Variants in UVSSA observed in about 807,000 individuals in gnomAD.
The protein encoded by UVSSA is UV stimulated scaffold protein A.
UVSSA carries 72 observed loss-of-function variants against 73.9 expected under a neutral mutation model. The observed-to-expected ratio is 0.97, with a 90% CI of 0.81 to 1.19. The LOEUF (loss-of-function observed/expected upper bound fraction) is 1.19. Ranked by LOEUF, UVSSA falls within the 50% of genes most tolerant of loss-of-function variation. The pLI, the probability that UVSSA is intolerant of heterozygous loss-of-function variation, is 0.00. For missense variants in UVSSA, 1,150 were observed against 965.0 expected (o/e 1.19, Z -2.54); for synonymous variants, 454 against 391.3 (o/e 1.16, Z -1.89).
chr4:1,353,487 C>T (rs1715134046), intron 5 of UVSSA, 74 bp downstream of exon 5: 3 of 1,429,750 alleles, frequency 2.1e-6, no homozygotes, highest in East Asian at 2.5e-5. Flanking sequence ...TCACTGGCAC[C>T]CGGCCCAGGA....
At position 1,347,746 on chromosome 4, in the gene UVSSA, C is replaced by G. The variant is rs532177561; in HGVS notation, c.-17C>G. ...GCCTCTGCAGCCTTGCTGGAGGCTG[C>G]CCTGCGGAATCTGAGTGAATAAGGG... On this transcript the variant is annotated 5_prime_UTR_variant, in exon 1 of 14. Transcript: ENST00000389851. 4.8e-4 allele frequency: 107 copies of G among 222,608 alleles called. No homozygotes were observed. Among genetic ancestry groups the G allele is most frequent in the Non-Finnish European group, 8.3e-4 (91 of 110,178 alleles). The allele number at this position is 222,608 out of a possible 1,614,324, so 13.8% of individuals were successfully genotyped here.
rs750867210 is a variant in UVSSA at position 1,349,549 on chromosome 4, G to A, written c.124G>A (p.Ala42Thr). ...GTCTTCAGAGGAGCAGCTGAGCCGC[G>A]CCTACCGCCTGCTGATAGCACAGCT... ...CKSSEEQLSR[A>T]YRLLIAQLTQ... The change falls in exon 3 of 14, where the codon GCC becomes ACC. Residue 42 changes from alanine to threonine, a missense_variant. Transcript: ENST00000389851. 6.8e-6 allele frequency: 11 copies of A among 1,613,446 alleles called. No individual in the cohort carries two copies. The highest frequency in any genetic ancestry group is 1.7e-4 in the Middle Eastern group (1 of 6,006).
chr4:1,372,157 T>C (rs1216983096), intron 8 of UVSSA, among the ~76,000 whole-genome samples: 4 of 152,238 alleles, frequency 2.6e-5, no homozygotes, highest in South Asian at 2.1e-4. Flanking sequence ...TCGTAGTAAA[T>C]CTTTTTTCGT....
At chr4:1,366,585 C>T (rs929218604) in intron 8 of UVSSA, among the ~76,000 whole-genome samples, 154 bp downstream of exon 8, 5 of 152,178 alleles carry the variant, frequency 3.3e-5, no homozygotes, top group Admixed American at 3.3e-4. Flanking sequence ...TGCTCACGGT[C>T]GTAGCCACGA....
chr4:1,355,995 C>T (rs540686177), intron 7 of UVSSA, among the ~76,000 whole-genome samples: 2 of 152,240 alleles, frequency 1.3e-5, no homozygotes, highest in South Asian at 2.1e-4. Context: ...CCTCTGCAGA[C>T]GTCCTCGGCA....
intron 7 of UVSSA, among the ~76,000 whole-genome samples, chr4:1,355,552 C>A (rs941285676): frequency 6.6e-6 from 1 of 152,184 alleles, no homozygotes; most frequent in South Asian, 2.1e-4. Flanking sequence ...CCCCGTGACT[C>A]CTTCTAGGGA....
At chr4:1,371,585 G>T (rs1718042649) in intron 8 of UVSSA, among the ~76,000 whole-genome samples, 1 of 152,170 alleles carries the variant, frequency 6.6e-6, no homozygotes, top group African/African-American at 2.4e-5. Context: ...GTTCCACATG[G>T]CTGGGGAGGC....
chr4:1,354,621 G>T (rs995691735), intron 5 of UVSSA, 114 bp from the exon 6 acceptor site: 1 of 836,530 alleles, frequency 1.2e-6, no homozygotes, highest in East Asian at 2.7e-5. Flanking sequence ...AGGCATGGGC[G>T]TCTGGCAGGT....
exon 14 of UVSSA, chr4:1,393,439 C>T (rs1720449111): frequency 1.3e-5 from 2 of 152,248 alleles, no homozygotes; most frequent in South Asian, 4.1e-4. Flanking sequence ...CCTGTAATCC[C>T]AGCTACTTGG....
intron 8 of UVSSA, among the ~76,000 whole-genome samples, chr4:1,369,138 G>A (rs953709721): frequency 4.0e-5 from 6 of 150,758 alleles, no homozygotes; most frequent in African/African-American, 1.5e-4. Context: ...CTGCCGTTCT[G>A]CCGTCAGCCT....
chr4:1,358,087 T>G (rs989901055), intron 7 of UVSSA: 7 of 152,498 alleles, frequency 4.6e-5, no homozygotes, highest in South Asian at 2.1e-4. Context: ...CCCCAGCCCT[T>G]GGCACACAGG....
intron 8 of UVSSA, among the ~76,000 whole-genome samples, chr4:1,368,697 G>A (rs1463240199): frequency 2.0e-5 from 3 of 152,352 alleles, no homozygotes; most frequent in East Asian, 1.9e-4. Context: ...TGGCAGTCCC[G>A]GCTAAGCCTC....
At chr4:1,349,960 G>T in intron 3 of UVSSA, 106 bp downstream of exon 3, 2 of 1,108,168 alleles carry the variant, frequency 1.8e-6, no homozygotes, top group Non-Finnish European at 2.5e-6. Flanking sequence ...CACAGCAGGG[G>T]CCTGCTTGGC....
intron 1 of UVSSA, 41 bp downstream of exon 1, chr4:1,347,801 T>G: frequency 2.9e-6 from 1 of 346,496 alleles, no homozygotes. Flanking sequence ...GGGGAAAAGC[T>G]GATTCGGACA....
At chr4:1,360,337 A>G (rs1384788951) in intron 7 of UVSSA, among the ~76,000 whole-genome samples, 1 of 152,220 alleles carries the variant, frequency 6.6e-6, no homozygotes, top group South Asian at 2.1e-4. Flanking sequence ...ACCTGTCTGC[A>G]AAACACAGGG....
intron 12 of UVSSA, among the ~76,000 whole-genome samples, chr4:1,383,276 G>T (rs1719712567): frequency 3.3e-5 from 5 of 152,238 alleles, no homozygotes; most frequent in Admixed American, 3.3e-4. Context: ...TGAGCATCAT[G>T]CTTGGCCCAG....
intron 13 of UVSSA, 65 bp downstream of exon 13, chr4:1,384,005 G>T: frequency 1.3e-6 from 2 of 1,496,688 alleles, no homozygotes; most frequent in Admixed American, 2.3e-5. Context: ...TTCGAGGGGG[G>T]CCATCTGAGC....
intron 8 of UVSSA, among the ~76,000 whole-genome samples, chr4:1,366,867 C>T (rs1320890262): frequency 6.6e-6 from 1 of 152,218 alleles, no homozygotes; most frequent in South Asian, 2.1e-4. Context: ...CCCTCTGTGC[C>T]ATCCGCAGCC....
chr4:1,354,940 T>C (rs969761944), intron 6 of UVSSA, 93 bp downstream of exon 6: 12 of 1,526,480 alleles, frequency 7.9e-6, no homozygotes, highest in Non-Finnish European at 1.1e-5. Context: ...TGTGGCCCGG[T>C]GACTGAATGG....
Sources: gnomAD v4.1 joint callset for allele counts (sites outside exome capture counted in the v4.1 genomes callset) on GRCh38, gnomAD v4.1.1 for gene constraint, MANE v1.5 for transcripts, NCBI Gene and HGNC (gene_info 2026-07-23, HGNC 2026-07-21) for gene names.